Variants in CD247 observed in about 807,000 individuals in gnomAD.
The protein encoded by CD247 is CD247 molecule, also known as T-cell surface glycoprotein CD3 zeta chain.
A neutral mutation model predicts 30.0 loss-of-function variants in CD247; 13 were observed. The observed-to-expected ratio is 0.43, with a 90% CI of 0.28 to 0.69. CD247 has a LOEUF of 0.69. Among genes scored for constraint, CD247 ranks in the 30% least tolerant of loss-of-function variants. The pLI is 0.16. For missense variants in CD247, 193 were observed against 212.6 expected (o/e 0.91, Z 0.57); for synonymous variants, 72 against 80.0 (o/e 0.90, Z 0.53).
chr1:167,445,507 T>C (rs1652037409), intron 1 of CD247, among the ~76,000 whole-genome samples: 1 of 150,132 alleles, frequency 6.7e-6, no homozygotes, highest in South Asian at 2.1e-4. Context: ...TTAGTGACAG[T>C]GAGCCTCGCC....
intron 1 of CD247, among the ~76,000 whole-genome samples, chr1:167,461,793 A>G (rs929082111): frequency 2.0e-5 from 3 of 152,096 alleles, no homozygotes; most frequent in African/African-American, 7.2e-5. Context: ...GGTTGCAGTG[A>G]GCCGAGATCA....
At chr1:167,471,831 C>CTTTTTTTTTTTT (rs111891678) in intron 1 of CD247, among the ~76,000 whole-genome samples, 8 of 117,172 alleles carry the variant, frequency 6.8e-5, no homozygotes, top group African/African-American at 9.5e-5. Flanking sequence ...CTGTTTCTTT[C>CTTTTTTTTTTTT]TTTTTTTTTT....
chr1:167,442,105 C>T (rs187163005), intron 1 of CD247, among the ~76,000 whole-genome samples: 64 of 152,050 alleles, frequency 4.2e-4, no homozygotes, highest in African/African-American at 1.5e-3. Context: ...AGTGAGGCTC[C>T]GTCTCAAAAA....
chr1:167,446,138 A>G (rs1652065623), intron 1 of CD247, among the ~76,000 whole-genome samples: 1 of 152,046 alleles, frequency 6.6e-6, no homozygotes, highest in Non-Finnish European at 1.5e-5. Context: ...GATGCAGCTG[A>G]CCTATGGGCT....
At chr1:167,484,226 C>G (rs941989428) in intron 1 of CD247, among the ~76,000 whole-genome samples, 1 of 152,236 alleles carries the variant, frequency 6.6e-6, no homozygotes, top group East Asian at 1.9e-4. Context: ...TTAGAGACCA[C>G]TTCCTTTACC....
chr1:167,451,311 A>G (rs536642994), intron 1 of CD247, among the ~76,000 whole-genome samples: 2 of 152,336 alleles, frequency 1.3e-5, no homozygotes, highest in African/African-American at 4.8e-5. Context: ...TATGGTAATA[A>G]CATTTCAAAG....
rs559833731 is a variant in CD247, at chr1:167,498,950, G to A, written c.58+19458C>T. 1.1e-4 allele frequency among the ~76,000 whole-genome samples: 17 copies of A among 152,236 alleles called. No individual in the cohort carries two copies. The South Asian group carries it at 3.3e-3, about 30-fold the overall frequency. On this transcript the variant is annotated intron_variant, in intron 1 of 7. Transcript: ENST00000362089. ...CCATCCCAAAAGCCATGCGCACACG[G>A]GGCTCCTGAGGACATCATTTCAGCT...
chr1:167,449,346 G>T (rs565602672), intron 1 of CD247, among the ~76,000 whole-genome samples: 47 of 151,002 alleles, frequency 3.1e-4, no homozygotes, highest in African/African-American at 1.1e-3. Context: ...CAGAGACGGG[G>T]TTTCACCATG....
At chr1:167,445,173 G>T (rs574153753) in intron 1 of CD247, among the ~76,000 whole-genome samples, 3 of 152,074 alleles carry the variant, frequency 2.0e-5, no homozygotes, top group African/African-American at 7.2e-5. Flanking sequence ...TGATCTGCCC[G>T]CCTCGGCCTC....
At chr1:167,501,639 G>A (rs572891922) in intron 1 of CD247, among the ~76,000 whole-genome samples, 10 of 152,340 alleles carry the variant, frequency 6.6e-5, no homozygotes, top group Admixed American at 6.5e-4. Flanking sequence ...GAACGTATTT[G>A]CAGCATTTCT....
chr1:167,491,394 C>T (rs952319427), intron 1 of CD247, among the ~76,000 whole-genome samples: 1 of 152,132 alleles, frequency 6.6e-6, no homozygotes, highest in African/African-American at 2.4e-5. Context: ...CATGGAGAAA[C>T]CCTGTCTCTA....
intron 1 of CD247, among the ~76,000 whole-genome samples, chr1:167,515,809 T>C (rs1655579879): frequency 6.6e-6 from 1 of 152,222 alleles, no homozygotes; most frequent in African/African-American, 2.4e-5. Flanking sequence ...ATCCCAGCCA[T>C]GGGTTTCCAT....
In CD247 at chr1:167,518,440, G is replaced by C; in HGVS notation, c.26C>G (p.Ala9Gly). MKWKALFT[A>G]AILQAQLPIT... is the part of the protein sequence containing the mutation. ...CGGCAACTGTGCCTGCAGGATGGCC[G>C]CGGTGAAAAGCGCCTTCCACTTCAT... Residue 9 changes from alanine (A) to glycine (G), a missense_variant, in exon 1 of 8, where the codon GCG (alanine) becomes GGG (glycine). By Grantham distance (60) the Ala-to-Gly change is moderately conservative (BLOSUM62 0). Coordinates refer to ENST00000362089, the MANE Select transcript of CD247 (RefSeq NM_198053.3). The C allele has an allele frequency of 6.2e-7, 1 of 1,614,154 alleles. No individual in the cohort carries two copies. The highest frequency in any genetic ancestry group is 8.5e-7 in the Non-Finnish European group (1 of 1,180,028).
intron 3 of CD247, 114 bp from the exon 4 acceptor site, chr1:167,438,764 A>G: frequency 1.4e-6 from 1 of 713,142 alleles, no homozygotes; most frequent in Non-Finnish European, 2.6e-6. Context: ...AAAGAGGGGC[A>G]GGGGCTGGGG....
At chr1:167,516,017 A>G (rs1185611804) in intron 1 of CD247, among the ~76,000 whole-genome samples, 1 of 152,230 alleles carries the variant, frequency 6.6e-6, no homozygotes, top group East Asian at 1.9e-4. Flanking sequence ...AACTTGCCTA[A>G]GGTTGCACAG....
chr1:167,460,568 C>T (rs926161245), intron 1 of CD247, among the ~76,000 whole-genome samples: 7 of 152,188 alleles, frequency 4.6e-5, no homozygotes, highest in African/African-American at 1.7e-4. Flanking sequence ...CTACTAACTA[C>T]TCCCACGGCC....
At chr1:167,446,628 G>A (rs1485274970) in intron 1 of CD247, among the ~76,000 whole-genome samples, 10 of 152,196 alleles carry the variant, frequency 6.6e-5, no homozygotes, top group African/African-American at 2.4e-4. Flanking sequence ...GCCACGGTTG[G>A]GGACAGAACC....
At chr1:167,504,646 T>C (rs1223370353) in intron 1 of CD247, among the ~76,000 whole-genome samples, 1 of 152,242 alleles carries the variant, frequency 6.6e-6, no homozygotes, top group Non-Finnish European at 1.5e-5. Context: ...ATGGTTACCA[T>C]GGTCCTGGAC....
At chr1:167,458,968 C>CA (rs753309464) in intron 1 of CD247, among the ~76,000 whole-genome samples, 5,834 of 141,034 alleles carry the variant, frequency 0.041, 234 homozygotes, top group African/African-American at 0.11. Flanking sequence ...ACTAAAAATA[C>CA]AAAAAAAAAA....
Sources: gnomAD v4.1 joint callset for allele counts (sites outside exome capture counted in the v4.1 genomes callset) on GRCh38, gnomAD v4.1.1 for gene constraint, MANE v1.5 for transcripts, NCBI Gene and HGNC (gene_info 2026-07-23, HGNC 2026-07-21) for gene names.